Variants in BABAM2 observed in about 807,000 individuals in gnomAD.
BABAM2 encodes BRISC and BRCA1-A complex member 2.
BABAM2 carries 31 observed loss-of-function variants against 54.7 expected under a neutral mutation model. The ratio of observed to expected loss-of-function variants is 0.57; its 90% CI spans 0.43 to 0.77. The LOEUF (loss-of-function observed/expected upper bound fraction) is 0.77. Ranked by LOEUF, BABAM2 falls within the 30% of genes least tolerant of loss-of-function variation. BABAM2 has a pLI of 0.00. For missense variants in BABAM2, 364 were observed against 455.8 expected, an observed-to-expected ratio of 0.80 and a Z score of 1.83; for synonymous variants, 167 against 162.9, an observed-to-expected ratio of 1.03 and a Z score of -0.19.
At position 28,165,281 on chromosome 2, in the gene BABAM2, C is replaced by T. The variant is rs1324878449; in HGVS notation, c.680+35901C>T. On this transcript the variant is annotated intron_variant, in intron 7 of 11. Transcript: ENST00000379624. ...GCATCAAAAATAACTTTACAGATTA[C>T]TGGACATGTGAGAGGATTCTACAGA... is the stretch of plus-strand genomic sequence containing the variant. Among the ~76,000 whole-genome samples, 3 of 152,142 alleles carry T rather than the reference C, an allele frequency of 2.0e-5. No homozygotes were observed. In the East Asian group the frequency reaches 5.8e-4, roughly 29 times the overall value.
At chr2:28,162,284 A>G (rs923474239) in intron 7 of BABAM2, among the ~76,000 whole-genome samples, 5 of 152,198 alleles carry the variant, frequency 3.3e-5, no homozygotes, top group Admixed American at 1.3e-4. Flanking sequence ...TGAAATGTAC[A>G]TGGCTCTCTT....
intron 2 of BABAM2, among the ~76,000 whole-genome samples, chr2:27,914,341 A>G (rs577947704): frequency 6.6e-6 from 1 of 152,300 alleles, no homozygotes; most frequent in East Asian, 1.9e-4. Context: ...AACAAGCTTA[A>G]TTGATCCTGC....
chr2:28,025,163 T>A, intron 4 of BABAM2, 63 bp from the exon 5 acceptor site: 1 of 1,420,276 alleles, frequency 7.0e-7, no homozygotes, highest in Non-Finnish European at 9.6e-7. Flanking sequence ...TGTGTGAATG[T>A]GATACTGGAT....
intron 6 of BABAM2, among the ~76,000 whole-genome samples, chr2:28,124,293 C>T (rs544441872): frequency 5.4e-4 from 82 of 152,244 alleles, no homozygotes; most frequent in Admixed American, 1.7e-3. Context: ...AGATGTTTGA[C>T]GAGTGTTAAA....
chr2:28,138,741 G>A (rs1158446713), intron 7 of BABAM2, among the ~76,000 whole-genome samples: 1 of 151,966 alleles, frequency 6.6e-6, no homozygotes, highest in Non-Finnish European at 1.5e-5. Flanking sequence ...TGAAACCCAG[G>A]CATCCTATTT....
At chr2:27,921,742 CTGT>C (rs1667360143) in intron 2 of BABAM2, among the ~76,000 whole-genome samples, 1 of 152,150 alleles carries the variant, frequency 6.6e-6, no homozygotes, top group African/African-American at 2.4e-5. Flanking sequence ...ATATTAGCTG[CTGT>C]TATTTGTTTA....
At chr2:28,281,618 C>A (rs1182734323) in intron 10 of BABAM2, among the ~76,000 whole-genome samples, 1 of 152,174 alleles carries the variant, frequency 6.6e-6, no homozygotes. Flanking sequence ...GAATGGGGAG[C>A]AGGTTGTAAC....
chr2:28,250,810 A>G (rs926707232), intron 10 of BABAM2, among the ~76,000 whole-genome samples: 2 of 152,116 alleles, frequency 1.3e-5, no homozygotes, highest in African/African-American at 2.4e-5. Flanking sequence ...CGTGTTAGCC[A>G]GGATGGTCTT....
Position 27,995,049 on chromosome 2 carries a change from AACT to A in BABAM2, c.300+6963_300+6965del, listed in dbSNP as rs1673043777. ...ATTCTAGAGCTAAGGGAGAGGAATA[AACT>A]TTGAAGACCCTTTCCCCCATCACAC... On this transcript the variant is annotated intron_variant, in intron 4 of 11. Coordinates refer to ENST00000379624, the MANE Select transcript of BABAM2 (RefSeq NM_199191.3). This position sits in a 1 kb window ranked among gnomAD's most constrained non-coding sequence, Gnocchi z 4.1. Among the ~76,000 whole-genome samples, 1 of 152,136 alleles carries A rather than the reference AACT, an allele frequency of 6.6e-6. No individual in the cohort carries two copies. The highest frequency in any genetic ancestry group is 6.5e-5 in the Admixed American group (1 of 15,270).
chr2:28,004,935 G>A (rs1419170075), intron 4 of BABAM2, among the ~76,000 whole-genome samples: 1 of 152,084 alleles, frequency 6.6e-6, no homozygotes, highest in Non-Finnish European at 1.5e-5. Flanking sequence ...GCGCCTCTGG[G>A]AATTATTTTT....
rs13002083 is a variant in BABAM2 at position 28,283,735 on chromosome 2, G to A, written c.935-14603G>A. 6.5e-4 allele frequency among the ~76,000 whole-genome samples: 99 copies of A among 152,280 alleles called. 1 individual carries two copies. The East Asian group carries it at 0.017, about 27-fold the overall frequency. ...GGCCACACTTAGCTTAGGGACTGGC[G>A]TGTCTGATTAGGCCTTGGTGTCACA... On this transcript the variant is annotated intron_variant, in intron 10 of 11. Transcript: ENST00000379624.
chr2:27,923,458 GA>G (rs983215960), intron 2 of BABAM2, among the ~76,000 whole-genome samples: 19 of 145,544 alleles, frequency 1.3e-4, no homozygotes, highest in South Asian at 8.7e-4. Context: ...GTCTCAAAAA[GA>G]AAAAAAAAAA....
chr2:27,913,122 T>C (rs538883835), intron 2 of BABAM2, among the ~76,000 whole-genome samples: 2 of 152,302 alleles, frequency 1.3e-5, no homozygotes, highest in South Asian at 2.1e-4. Context: ...AGCTGATACT[T>C]TTGTAAAATA....
chr2:28,222,778 C>A (rs952986899), intron 7 of BABAM2, among the ~76,000 whole-genome samples: 18 of 152,240 alleles, frequency 1.2e-4, no homozygotes, highest in African/African-American at 4.3e-4. Context: ...CTGACTAAAT[C>A]TTTCCCTTTC....
intron 3 of BABAM2, among the ~76,000 whole-genome samples, chr2:27,946,628 T>TAG (rs1260948586): frequency 6.9e-6 from 1 of 145,746 alleles, no homozygotes. Context: ...TGGAGCGAGA[T>TAG]AGAGAGAGAG....
chr2:28,010,624 AT>A (rs961565530), intron 4 of BABAM2, among the ~76,000 whole-genome samples: 5 of 151,634 alleles, frequency 3.3e-5, no homozygotes, highest in African/African-American at 4.8e-5. Flanking sequence ...CTTTATTTCC[AT>A]TTTTTTTAAG....
chr2:28,335,931 G>T (rs1054783244), intron 11 of BABAM2, among the ~76,000 whole-genome samples: 7 of 152,222 alleles, frequency 4.6e-5, no homozygotes, highest in African/African-American at 1.7e-4. Flanking sequence ...TCTCTGAGGA[G>T]AGGATCCTTC....
intron 6 of BABAM2, among the ~76,000 whole-genome samples, chr2:28,046,780 A>G (rs1677610622): frequency 6.6e-6 from 1 of 151,440 alleles, no homozygotes; most frequent in South Asian, 2.1e-4. Context: ...TTTTTAATAC[A>G]TTCCATCTTT....
intron 3 of BABAM2, among the ~76,000 whole-genome samples, chr2:27,985,807 A>T (rs964009209): frequency 6.6e-6 from 1 of 152,208 alleles, no homozygotes; most frequent in Non-Finnish European, 1.5e-5. Flanking sequence ...GTATTGACAC[A>T]GCGTGTCACA....
Sources: gnomAD v4.1 joint callset for allele counts (sites outside exome capture counted in the v4.1 genomes callset) on GRCh38, gnomAD v4.1.1 for gene constraint, Gnocchi (gnomAD v3.1) non-coding constraint, MANE v1.5 for transcripts, NCBI Gene and HGNC (gene_info 2026-07-23, HGNC 2026-07-21) for gene names.